Variants in DNMT3A observed in about 807,000 individuals in gnomAD.
DNMT3A encodes the protein DNA methyltransferase 3 alpha.
DNMT3A carries 267 observed loss-of-function variants against 117.6 expected under a neutral mutation model. The ratio of observed to expected loss-of-function variants is 2.27; its 90% CI spans 2.05 to 2.51. The LOEUF (loss-of-function observed/expected upper bound fraction) is 2.51, where lower values mean the gene tolerates loss of function less well. Ranked by LOEUF, DNMT3A falls within the 30% of genes most tolerant of loss-of-function variation. The probability of loss-of-function intolerance (pLI) is 0.00; values close to 1 mark genes in which losing one functional copy is unlikely to be tolerated. For missense variants in DNMT3A, 1,029 were observed against 1,260.2 expected (o/e 0.82, Z 2.78); for synonymous variants, 432 against 474.8 (o/e 0.91, Z 1.17).
At position 25,239,198 on chromosome 2, in the gene DNMT3A, AATCATC is replaced by A; in HGVS notation, c.2334_2339del (p.Met779_Ile780del). ...GTGCAGCTGACACTTCTTTGGCATC[AATCATC>A]ACAGGGTTGGACTACAAAACAGGAG... On this transcript the variant is annotated inframe_deletion, in exon 20 of 23. Transcript: ENST00000321117. 1 of 1,614,024 alleles carries A rather than the reference AATCATC, an allele frequency of 6.2e-7. No homozygotes were observed.
At chr2:25,300,772 T>TAA (rs1558723173) in intron 2 of DNMT3A, among the ~76,000 whole-genome samples, 3 of 70,344 alleles carry the variant, frequency 4.3e-5, no homozygotes, top group African/African-American at 1.1e-4. Context: ...TATATATAAA[T>TAA]AATACATCCT....
In DNMT3A at chr2:25,240,318, A is replaced by G. The variant is rs746704362; in HGVS notation, c.2306T>C (p.Ile769Thr). Residue 769 changes from isoleucine (I) to threonine (T), a missense_variant, in exon 19 of 23, where the codon ATC (isoleucine) becomes ACC (threonine). By Grantham distance (89) the Ile-to-Thr change is moderately conservative. Transcript: ENST00000321117. ...TGGCTATACCTCGAGAAATCGCGAG[A>G]TGTCCCTCTTGTCACTAACGCCCAT... ...VAMGVSDKRD[I>T]SRFLESNPVM... 1 of 1,614,164 alleles carries G rather than the reference A, an allele frequency of 6.2e-7. No individual in the cohort carries two copies.
At chr2:25,241,533 A>C in intron 17 of DNMT3A, 29 bp downstream of exon 17, 1 of 1,596,418 alleles carries the variant, frequency 6.3e-7, no homozygotes, top group Non-Finnish European at 8.5e-7. Flanking sequence ...GGAGGGGAAG[A>C]CGGGCTGCGC....
intron 1 of DNMT3A, among the ~76,000 whole-genome samples, chr2:25,338,974 C>T (rs1188073996): frequency 2.6e-5 from 4 of 152,050 alleles, no homozygotes; most frequent in South Asian, 2.1e-4. Context: ...ACACACGTGC[C>T]GAGGCTTAAA....
At chr2:25,312,582 G>A (rs979388761) in intron 2 of DNMT3A, among the ~76,000 whole-genome samples, 1 of 152,084 alleles carries the variant, frequency 6.6e-6, no homozygotes, top group African/African-American at 2.4e-5. Context: ...CTGGGAGACA[G>A]GAGAACAGGC....
At chr2:25,319,356 C>T (rs1165815901) in intron 1 of DNMT3A, among the ~76,000 whole-genome samples, 2 of 151,750 alleles carry the variant, frequency 1.3e-5, no homozygotes, top group South Asian at 2.1e-4. Flanking sequence ...CACTATGTTG[C>T]CCAGGCTGAT....
At chr2:25,320,165 A>G (rs2034538907) in intron 1 of DNMT3A, among the ~76,000 whole-genome samples, 1 of 152,232 alleles carries the variant, frequency 6.6e-6, no homozygotes, top group Non-Finnish European at 1.5e-5. Flanking sequence ...AAGCCAGAAA[A>G]CAGAGATTCC....
Position 25,294,512 on chromosome 2 carries a change from G to GT in DNMT3A, c.177+5626dup, listed in dbSNP as rs2032974222. 6.6e-6 allele frequency among the ~76,000 whole-genome samples: 1 copy of GT among 152,178 alleles called. No individual in the cohort carries two copies. Among genetic ancestry groups the GT allele is most frequent in the African/African-American group, 2.4e-5 (1 of 41,448 alleles). On this transcript the variant is annotated intron_variant, in intron 3 of 22. Coordinates refer to ENST00000321117, the MANE Select transcript of DNMT3A (RefSeq NM_022552.5). This position sits in a 1 kb window ranked among gnomAD's most constrained non-coding sequence, Gnocchi z 4.7. Reference sequence around the variant, plus strand: ...GGAGTGGGAGACACGATGTCAGGAAGTTATATGCATAAAAGGTAGGGGCAC... The same window carrying GT: ...GGAGTGGGAGACACGATGTCAGGAAGTTTATATGCATAAAAGGTAGGGGCAC...
intron 6 of DNMT3A, among the ~76,000 whole-genome samples, chr2:25,255,304 G>A (rs1676013552): frequency 6.6e-6 from 1 of 152,208 alleles, no homozygotes; most frequent in Non-Finnish European, 1.5e-5. Context: ...AGCTTCCAAA[G>A]TAAACCTCCC....
At chr2:25,295,601 C>A (rs13401241) in intron 3 of DNMT3A, among the ~76,000 whole-genome samples, 74,259 of 152,090 alleles carry the variant, frequency 0.49, 18,605 homozygotes, top group Non-Finnish European at 0.53. Context: ...TATTAACTGA[C>A]AGAGAACCCC....
At chr2:25,241,832 C>T in intron 16 of DNMT3A, 125 bp from the exon 17 acceptor site, 1 of 1,230,648 alleles carries the variant, frequency 8.1e-7, no homozygotes, top group Non-Finnish European at 1.1e-6. Flanking sequence ...CTATCTTTTC[C>T]CTGAAGATGC....
chr2:25,303,229 C>T (rs1225089254), intron 2 of DNMT3A, among the ~76,000 whole-genome samples: 1 of 152,186 alleles, frequency 6.6e-6, no homozygotes, highest in Non-Finnish European at 1.5e-5. Context: ...AGCGTCTGAT[C>T]AGTGAAAGGG....
intron 2 of DNMT3A, among the ~76,000 whole-genome samples, chr2:25,301,055 G>T (rs1296996514): frequency 4.6e-5 from 7 of 151,468 alleles, no homozygotes; most frequent in Non-Finnish European, 8.8e-5. Context: ...TGGATCATGA[G>T]GTCAGGAGAT....
At chr2:25,340,850 G>C (rs2035396262) in intron 1 of DNMT3A, among the ~76,000 whole-genome samples, 1 of 117,610 alleles carries the variant, frequency 8.5e-6, no homozygotes, top group Non-Finnish European at 1.8e-5. Context: ...CGCGTTTTCC[G>C]GCCCCCGCGG....
At position 25,314,392 on chromosome 2, in the gene DNMT3A, G is replaced by T. The variant is rs1356996724; in HGVS notation, c.-177-231C>A. The T allele has an allele frequency of 3.0e-6, 3 of 985,196 alleles. No homozygotes were observed. The African/African-American group carries it at 5.2e-5, about 17-fold the overall frequency. 61.0% of individuals were successfully genotyped at this position (985,196 alleles called of 1,614,324 possible). ...GCAGCAGTCTCCCCTCCGTGTCGCTGCGGCCAATGGGTGCCACTTCTGGGA... is the reference window on the plus strand; with the variant it reads ...GCAGCAGTCTCCCCTCCGTGTCGCTTCGGCCAATGGGTGCCACTTCTGGGA... On this transcript the variant is annotated intron_variant, in intron 1 of 22. Transcript: ENST00000321117.
chr2:25,305,990 GCCCGGGCC>G lies in DNMT3A; in HGVS notation c.73-5755_73-5748del, dbSNP rs2033762126. 6.6e-6 allele frequency among the ~76,000 whole-genome samples: 1 copy of G among 152,194 alleles called. No individual in the cohort carries two copies. The highest frequency in any genetic ancestry group is 1.5e-5 in the Non-Finnish European group (1 of 68,028). ...ACTTGCCGGATCTAGCCAGCTACTT[GCCCGGGCC>G]CCCTGGGACAAGAAGCATGCCCAGC... is the stretch of plus-strand genomic sequence containing the variant. On this transcript the variant is annotated intron_variant, in intron 2 of 22. Transcript: ENST00000321117. The surrounding 1 kb of genome is among the most constrained non-coding windows in gnomAD (Gnocchi z 4.1).
Position 25,234,655 on chromosome 2 carries a change from CTG to C in DNMT3A, c.2598-237_2598-236del, listed in dbSNP as rs1673152734. Among the ~76,000 whole-genome samples, 1 of 152,190 alleles carries C rather than the reference CTG, an allele frequency of 6.6e-6. No individual in the cohort carries two copies. The highest frequency in any genetic ancestry group is 1.5e-5 in the Non-Finnish European group (1 of 68,044). On this transcript the variant is annotated intron_variant, in intron 22 of 22. Transcript: ENST00000321117. This position sits in a 1 kb window ranked among gnomAD's most constrained non-coding sequence, Gnocchi z 4.5. ...CATGTGCCAGGCACTGTGCTGGTTTCTGTGACCTTAAAGGTAGTAAGGTCATC... is the reference window on the plus strand; with the variant it reads ...CATGTGCCAGGCACTGTGCTGGTTTCTGACCTTAAAGGTAGTAAGGTCATC...
chr2:25,242,119 A>C, intron 16 of DNMT3A: 1 of 194,902 alleles, frequency 5.1e-6, no homozygotes, highest in Non-Finnish European at 1.0e-5. Flanking sequence ...CTGCTCCACA[A>C]AGGTTTCATA....
In DNMT3A at chr2:25,246,717, G is replaced by T. The variant is rs566743984; in HGVS notation, c.1182C>A (p.Asp394Glu). ...FPVCHDSDES[D>E]TAKAVEVQNK... Reference sequence around the variant, plus strand: ...TCTGCACCTCCACGGCCTTGGCAGTGTCACTCTCATCGCTGTCGTGGCACA... The same window carrying T: ...TCTGCACCTCCACGGCCTTGGCAGTTTCACTCTCATCGCTGTCGTGGCACA... Residue 394 changes from aspartate (D) to glutamate (E), a missense_variant, in exon 10 of 23, where the codon GAC becomes GAA. Coordinates refer to ENST00000321117, the MANE Select transcript of DNMT3A (RefSeq NM_022552.5). The T allele has an allele frequency of 6.2e-7, 1 of 1,613,918 alleles. No homozygotes were observed. Among genetic ancestry groups the T allele is most frequent in the South Asian group, 1.1e-5 (1 of 91,090 alleles).
Sources: gnomAD v4.1 joint callset for allele counts (sites outside exome capture counted in the v4.1 genomes callset) on GRCh38, gnomAD v4.1.1 for gene constraint, Gnocchi (gnomAD v3.1) non-coding constraint, MANE v1.5 for transcripts, NCBI Gene and HGNC (gene_info 2026-07-23, HGNC 2026-07-21) for gene names.